Variants in BNIP3 observed in about 807,000 individuals in gnomAD.
BNIP3 encodes the protein BCL2 interacting protein 3.
A neutral mutation model predicts 23.9 loss-of-function variants in BNIP3; 16 were observed. The ratio of observed to expected loss-of-function variants is 0.67; its 90% confidence interval spans 0.45 to 1.01. The LOEUF (loss-of-function observed/expected upper bound fraction) is 1.01. Ranked by LOEUF, BNIP3 falls within the 50% of genes least tolerant of loss-of-function variation. BNIP3 has a pLI of 0.00. For synonymous variants in BNIP3, 81 were observed against 89.3 expected, an observed-to-expected ratio of 0.91 and a Z score of 0.53; for missense variants, 198 against 248.7, an observed-to-expected ratio of 0.80 and a Z score of 1.37.
At chr10:131,973,752 C>A (rs1231700458) in intron 2 of BNIP3, 41 bp downstream of exon 2, 2 of 1,605,432 alleles carry the variant, frequency 1.2e-6, no homozygotes, top group Admixed American at 1.7e-5. Flanking sequence ...CCACTGAAGA[C>A]ATCGGCACTG....
At position 131,970,911 on chromosome 10, in the gene BNIP3, T is replaced by G. The variant is rs751598386; in HGVS notation, c.342A>C (p.Ser114=). The G allele has an allele frequency of 1.7e-5, 28 of 1,614,118 alleles. No individual in the cohort carries two copies. The highest frequency in any genetic ancestry group is 2.2e-5 in the Non-Finnish European group (26 of 1,180,054). Residue 114 remains serine, a synonymous_variant, in exon 4 of 6, where the codon TCA becomes TCC. Coordinates refer to ENST00000368636, the MANE Select transcript of BNIP3 (RefSeq NM_004052.4). This position sits in a 1 kb window ranked among gnomAD's most constrained non-coding sequence, Gnocchi z 4.1. The stretch of plus-strand genomic sequence containing the variant: ...GACTTGACCAATCCCATATCCAATC[T>G]GAGTTTTTCTTCAAGATGCTTTCAA... The part of the protein sequence containing the change: ...KEVESILKKN[S]DWIWDWSSRP...
chr10:131,978,765 G>C (rs1345968082), intron 1 of BNIP3, among the ~76,000 whole-genome samples: 1 of 152,188 alleles, frequency 6.6e-6, no homozygotes, highest in Non-Finnish European at 1.5e-5. Context: ...TGGGATAAAT[G>C]TCAGAACAGA....
At chr10:131,971,218 G>T (rs556434035) in intron 3 of BNIP3, 5 of 517,302 alleles carry the variant, frequency 9.7e-6, no homozygotes, top group South Asian at 6.2e-5. Context: ...CCCCACTCAG[G>T]GCGTAAATAC....
At chr10:131,972,088 A>C (rs2037038873) in intron 3 of BNIP3, among the ~76,000 whole-genome samples, 1 of 152,164 alleles carries the variant, frequency 6.6e-6, no homozygotes, top group African/African-American at 2.4e-5. Flanking sequence ...GATATAACTG[A>C]GCAAGACAGT....
At chr10:131,969,643 C>T (rs1043579428) in intron 5 of BNIP3, 2 of 152,428 alleles carry the variant, frequency 1.3e-5, no homozygotes, top group African/African-American at 2.4e-5. Context: ...GCCCTCTGGC[C>T]AACCTACCTA....
intron 1 of BNIP3, among the ~76,000 whole-genome samples, chr10:131,975,536 T>C (rs765511060): frequency 2.6e-5 from 4 of 152,112 alleles, no homozygotes; most frequent in Non-Finnish European, 5.9e-5. Context: ...AATAACACCA[T>C]GCAATTAGGG....
At chr10:131,978,620 C>T (rs2037097179) in intron 1 of BNIP3, among the ~76,000 whole-genome samples, 1 of 152,192 alleles carries the variant, frequency 6.6e-6, no homozygotes, top group Non-Finnish European at 1.5e-5. Flanking sequence ...GGGTGACAAC[C>T]TCAACTCTGG....
At chr10:131,975,364 G>A (rs191193812) in intron 1 of BNIP3, among the ~76,000 whole-genome samples, 13 of 152,330 alleles carry the variant, frequency 8.5e-5, no homozygotes, top group East Asian at 5.8e-4. Context: ...CTCTGGTAGC[G>A]TATGGAGGAT....
rs1371313585 is a variant in BNIP3, at chr10:131,968,152, C to G, written c.*372G>C. The G allele has an allele frequency of 6.2e-6, 1 of 160,846 alleles. No individual in the cohort carries two copies. Among genetic ancestry groups the G allele is most frequent in the East Asian group, 1.7e-4 (1 of 5,890 alleles). The allele number at this position is 160,846 out of a possible 1,614,324, so 10.0% of individuals were successfully genotyped here. A position where few individuals can be genotyped will look rare whatever the true frequency, so the allele number is the denominator to read the frequency against. On this transcript the variant is annotated 3_prime_UTR_variant, in exon 6 of 6. Coordinates refer to ENST00000368636, the MANE Select transcript of BNIP3 (RefSeq NM_004052.4). ...GATTTTATTATCAATGTTATTCATTCTTTTGAAATATAAAGTACTTCAGCT... is the reference window on the plus strand; with the variant it reads ...GATTTTATTATCAATGTTATTCATTGTTTTGAAATATAAAGTACTTCAGCT...
Position 131,976,693 on chromosome 10 carries a change from G to A in BNIP3, c.47-2750C>T, listed in dbSNP as rs755527749. 6.6e-6 allele frequency among the ~76,000 whole-genome samples: 1 copy of A among 151,526 alleles called. No individual in the cohort carries two copies. The highest frequency in any genetic ancestry group is 1.5e-5 in the Non-Finnish European group (1 of 67,880). ...AACCCTAACCCCAACCATGCTACCC[G>A]CACCTCATGGCTCCCCCATCTCCAT... On this transcript the variant is annotated intron_variant, in intron 1 of 5. Coordinates refer to ENST00000368636, the MANE Select transcript of BNIP3 (RefSeq NM_004052.4). This position sits in a 1 kb window ranked among gnomAD's most constrained non-coding sequence, Gnocchi z 4.3.
At chr10:131,971,809 C>T (rs536522245) in intron 3 of BNIP3, among the ~76,000 whole-genome samples, 3 of 152,318 alleles carry the variant, frequency 2.0e-5, no homozygotes, top group Non-Finnish European at 2.9e-5. Context: ...GCTCCTGGGG[C>T]TCCCGAAATC....
Position 131,970,809 on chromosome 10 carries a change from C to G in BNIP3, c.390-22G>C. The G allele has an allele frequency of 6.2e-7, 1 of 1,614,228 alleles. No individual in the cohort carries two copies. The highest frequency in any genetic ancestry group is 8.5e-7 in the Non-Finnish European group (1 of 1,180,040). On this transcript the variant is annotated intron_variant, in intron 4 of 5. Coordinates refer to ENST00000368636, the MANE Select transcript of BNIP3 (RefSeq NM_004052.4). The surrounding 1 kb of genome is among the most constrained non-coding windows in gnomAD (Gnocchi z 4.1). ...CTCCCTGAGGCGGGAAGAAACGTGT[C>G]AGCTGATGTGTCCTCTGTCAAGGGG...
intron 1 of BNIP3, among the ~76,000 whole-genome samples, chr10:131,975,243 G>C (rs9971084): frequency 0.28 from 43,081 of 152,092 alleles, 6,194 homozygotes; most frequent in East Asian, 0.45. Flanking sequence ...GCTGCTTCCT[G>C]TGTCAGAAAT....
At chr10:131,979,749 A>T (rs2037104757) in intron 1 of BNIP3, among the ~76,000 whole-genome samples, 1 of 152,228 alleles carries the variant, frequency 6.6e-6, no homozygotes, top group African/African-American at 2.4e-5. Flanking sequence ...GATAGAAAGG[A>T]ACAGAATCAG....
intron 5 of BNIP3, chr10:131,969,342 T>C (rs2036999968): frequency 6.6e-6 from 1 of 152,094 alleles, no homozygotes; most frequent in African/African-American, 2.4e-5. Context: ...GCTTAAACCT[T>C]GTATTTAAAA....
intron 1 of BNIP3, among the ~76,000 whole-genome samples, chr10:131,974,896 G>A (rs545551101): frequency 1.3e-5 from 2 of 152,274 alleles, no homozygotes; most frequent in African/African-American, 2.4e-5. Flanking sequence ...AGGCTGGAAC[G>A]CTGCTCCCGT....
intron 3 of BNIP3, 70 bp downstream of exon 3, chr10:131,972,964 A>G: frequency 1.3e-6 from 2 of 1,492,546 alleles, no homozygotes; most frequent in South Asian, 2.3e-5. Flanking sequence ...GCTCAATTAC[A>G]TTTAAAACCG....
chr10:131,971,166 A>C, intron 3 of BNIP3, 196 bp from the exon 4 acceptor site: 1 of 588,300 alleles, frequency 1.7e-6, no homozygotes, highest in East Asian at 2.9e-5. Flanking sequence ...CCCGGCTCAC[A>C]GCACGCTCGC....
chr10:131,980,373 C>A (rs868364695), intron 1 of BNIP3: 9 of 152,194 alleles, frequency 5.9e-5, no homozygotes, highest in African/African-American at 2.2e-4. Flanking sequence ...GAAAACACCT[C>A]TTAATCTATT....
Sources: allele counts gnomAD v4.1 joint callset (sites outside exome capture counted in the v4.1 genomes callset), GRCh38; gene constraint gnomAD v4.1.1; non-coding constraint Gnocchi (gnomAD v3.1); transcripts MANE v1.5; gene names NCBI Gene and HGNC (gene_info 2026-07-23, HGNC 2026-07-21).